SLC30A9: variants seen among roughly 807,000 people sequenced by gnomAD.
SLC30A9 encodes solute carrier family 30 member 9, also known as proton-coupled zinc antiporter SLC30A9, mitochondrial.
In SLC30A9, 58 loss-of-function variants were observed where a neutral mutation model predicts 87.5. That is an observed-to-expected ratio of 0.66 (90% CI 0.54 to 0.82). The LOEUF (loss-of-function observed/expected upper bound fraction) is 0.82, where lower values mean the gene tolerates loss of function less well. Among genes scored for constraint, SLC30A9 ranks in the 40% least tolerant of loss-of-function variants. SLC30A9 has a pLI of 0.00. For missense variants in SLC30A9, 557 were observed against 679.1 expected, an observed-to-expected ratio of 0.82 and a Z score of 2.00; for synonymous variants, 234 against 233.0, an observed-to-expected ratio of 1.00 and a Z score of -0.04.
chr4:42,067,297 T>C, intron 14 of SLC30A9, 105 bp downstream of exon 14: 1 of 668,240 alleles, frequency 1.5e-6, no homozygotes. Context: ...AACCAACAAA[T>C]TGTTAAATGT....
At chr4:42,040,599 C>T (rs898308330) in intron 8 of SLC30A9, among the ~76,000 whole-genome samples, 4 of 151,638 alleles carry the variant, frequency 2.6e-5, no homozygotes, top group African/African-American at 7.3e-5. Flanking sequence ...AGATTGAGAC[C>T]ATCCTGGCTA....
intron 6 of SLC30A9, among the ~76,000 whole-genome samples, chr4:42,027,042 C>G (rs1716221640): frequency 6.6e-6 from 1 of 152,118 alleles, no homozygotes; most frequent in African/African-American, 2.4e-5. Flanking sequence ...ATGTCCCTGG[C>G]TCTTAATAAA....
At chr4:42,068,375 C>CT (rs1718170330) in intron 14 of SLC30A9, among the ~76,000 whole-genome samples, 1 of 152,054 alleles carries the variant, frequency 6.6e-6, no homozygotes, top group South Asian at 2.1e-4. Context: ...TCCCGAGTAG[C>CT]TGGGATTACA....
At position 42,063,077 on chromosome 4, in the gene SLC30A9, G is replaced by A; in HGVS notation, c.988G>A (p.Val330Ile). ...MGAGLSWYHG[V>I]MGLLHPQPIE... ...TGCAGGACTATCTTGGTACCATGGA[G>A]TCATGGGATTGCTTCATCCTCAACC... Residue 330 changes from valine to isoleucine, a missense_variant, in exon 11 of 18, where the codon GTC becomes ATC. Coordinates refer to ENST00000264451, the MANE Select transcript of SLC30A9 (RefSeq NM_006345.4). The A allele has an allele frequency of 1.9e-6, 3 of 1,613,750 alleles. No individual in the cohort carries two copies. Among genetic ancestry groups the A allele is most frequent in the Non-Finnish European group, 2.5e-6 (3 of 1,179,722 alleles).
At chr4:42,033,194 C>T (rs1716521452) in intron 6 of SLC30A9, among the ~76,000 whole-genome samples, 1 of 152,032 alleles carries the variant, frequency 6.6e-6, no homozygotes, top group Non-Finnish European at 1.5e-5. Flanking sequence ...TTTATAATTG[C>T]CTAAAAATTT....
At chr4:42,051,542 TA>T (rs1560552050) in intron 9 of SLC30A9, among the ~76,000 whole-genome samples, 2 of 152,004 alleles carry the variant, frequency 1.3e-5, no homozygotes, top group African/African-American at 4.8e-5. Context: ...CATAAGAAGA[TA>T]AATCAAAGGT....
At position 41,990,702 on chromosome 4, in the gene SLC30A9, C is replaced by T. The variant is rs368704320; in HGVS notation, c.51C>T (p.Ser17=). ...AAAAHRCSWS[S]LCRLRLRCRA... Reference sequence around the variant, plus strand: ...CGGCCCACAGATGTAGCTGGTCCTCCCTGTGCCGGCTCCGTCTGCGATGCA... The same window carrying T: ...CGGCCCACAGATGTAGCTGGTCCTCTCTGTGCCGGCTCCGTCTGCGATGCA... Residue 17 remains serine (S), a synonymous_variant, in exon 1 of 18, where the codon TCC becomes TCT. Transcript: ENST00000264451. 91 of 1,612,390 alleles carry T rather than the reference C, an allele frequency of 5.6e-5. No homozygotes were observed. Among genetic ancestry groups the T allele is most frequent in the Admixed American group, 1.8e-4 (11 of 59,992 alleles).
chr4:42,018,960 G>T, intron 3 of SLC30A9, among the ~76,000 whole-genome samples: 1 of 149,064 alleles, frequency 6.7e-6, no homozygotes. Flanking sequence ...AATTTAAAAG[G>T]CGGTTTAGAG....
chr4:42,037,291 C>T (rs1716724016), intron 7 of SLC30A9, among the ~76,000 whole-genome samples: 2 of 51,958 alleles, frequency 3.8e-5, no homozygotes, highest in Non-Finnish European at 9.4e-5. Flanking sequence ...CTGACCCAGA[C>T]ACTTGTTTTT....
intron 6 of SLC30A9, among the ~76,000 whole-genome samples, chr4:42,027,473 T>TC (rs1365106445): frequency 6.6e-6 from 1 of 151,912 alleles, no homozygotes; most frequent in Admixed American, 6.6e-5. Flanking sequence ...ACCTTTTTTT[T>TC]TTTTAGTATG....
chr4:42,066,444 C>T (rs185313498), intron 12 of SLC30A9, 106 bp from the exon 13 acceptor site: 205 of 587,488 alleles, frequency 3.5e-4, no homozygotes, highest in African/African-American at 3.4e-3. Flanking sequence ...TATTGCCAAC[C>T]CTAGTTTTAA....
chr4:41,995,024 A>G (rs140308327), intron 1 of SLC30A9, among the ~76,000 whole-genome samples: 7,303 of 152,008 alleles, frequency 0.048, 249 homozygotes, highest in African/African-American at 0.077. Flanking sequence ...TTGGGAGGCC[A>G]AGGTGGGCGG....
intron 1 of SLC30A9, among the ~76,000 whole-genome samples, chr4:41,998,663 A>G (rs971794136): frequency 6.6e-6 from 1 of 151,890 alleles, no homozygotes; most frequent in African/African-American, 2.4e-5. Context: ...ATGGGGTTTC[A>G]CTATGTTGGC....
intron 1 of SLC30A9, among the ~76,000 whole-genome samples, chr4:41,995,033 G>A (rs1028304295): frequency 2.6e-5 from 4 of 151,904 alleles, no homozygotes; most frequent in South Asian, 2.1e-4. Flanking sequence ...CAAGGTGGGC[G>A]GATCACCTGA....
chr4:42,032,332 A>G (rs532049393), intron 6 of SLC30A9, among the ~76,000 whole-genome samples: 1 of 152,204 alleles, frequency 6.6e-6, no homozygotes, highest in South Asian at 2.1e-4. Context: ...CCCTATTTCA[A>G]TGGTTTCGTT....
At chr4:42,009,750 AAT>A (rs1393762284) in intron 2 of SLC30A9, among the ~76,000 whole-genome samples, 4 of 152,378 alleles carry the variant, frequency 2.6e-5, no homozygotes, top group Non-Finnish European at 5.9e-5. Context: ...AATATCCAGA[AAT>A]ATACAGCTTA....
chr4:42,036,912 C>T (rs1480907643), intron 7 of SLC30A9, among the ~76,000 whole-genome samples: 2 of 152,154 alleles, frequency 1.3e-5, no homozygotes, highest in Non-Finnish European at 2.9e-5. Flanking sequence ...TGAGACCTGC[C>T]TCCTGGGAAG....
rs531907058 is a variant in SLC30A9 at position 42,053,620 on chromosome 4, CG to C, written c.840+4146del. On this transcript the variant is annotated intron_variant, in intron 9 of 17. Transcript: ENST00000264451. ...AGGAGAATCGCTTGAACCCGGGAGG[CG>C]GGGGTTACAGTGAGCCAAGATCCGA... Among the ~76,000 whole-genome samples the C allele has an allele frequency of 3.3e-4, 41 of 125,186 alleles. No individual in the cohort carries two copies. The East Asian group carries it at 0.01, about 31-fold the overall frequency. 82.1% of individuals were successfully genotyped at this position (125,186 alleles called of 152,430 possible). A position where few individuals can be genotyped will look rare whatever the true frequency, so the allele number is the denominator to read the frequency against.
At position 42,078,217 on chromosome 4, in the gene SLC30A9, T is replaced by G. The variant is rs1718631441; in HGVS notation, c.1554T>G (p.Ile518Met). 1 of 1,469,548 alleles carries G rather than the reference T, an allele frequency of 6.8e-7. No homozygotes were observed. Among genetic ancestry groups the G allele is most frequent in the Non-Finnish European group, 9.3e-7 (1 of 1,076,460 alleles). 91.0% of individuals were successfully genotyped at this position (1,469,548 alleles called of 1,614,324 possible). A position where few individuals can be genotyped will look rare whatever the true frequency, so the allele number is the denominator to read the frequency against. The part of the protein sequence containing the change: ...KQDFDQMLQE[I>M]QEVKTPEELE... ...TGTTTTCATTTTCTTTATAGGAAAT[T>G]CAAGAAGTGAAAACTCCTGAAGAAC... Residue 518 changes from isoleucine to methionine, a missense_variant, in exon 17 of 18, where the codon ATT becomes ATG. Physicochemically the swap from Ile to Met is conservative, Grantham distance 10. This residue lies in a region of SLC30A9 where 90 missense variants were observed against 149.4 expected (regional missense o/e 0.60). Coordinates refer to ENST00000264451, the MANE Select transcript of SLC30A9 (RefSeq NM_006345.4).
Sources: allele counts gnomAD v4.1 joint callset (sites outside exome capture counted in the v4.1 genomes callset), GRCh38; gene constraint gnomAD v4.1.1; regional missense constraint gnomAD v4.1.1; transcripts MANE v1.5; gene names NCBI Gene and HGNC (gene_info 2026-07-23, HGNC 2026-07-21).